The following XPO6 variants were observed in gnomAD, a reference collection of about 807,000 sequenced individuals.
XPO6 encodes the protein exportin-6.
In XPO6, 3 loss-of-function variants were observed where a neutral mutation model predicts 130.0. The ratio of observed to expected loss-of-function variants is 0.02; its 90% CI spans 0.01 to 0.06. The LOEUF is 0.06. XPO6 is among the 10% of genes least tolerant of loss of function. The probability of loss-of-function intolerance (pLI) is 1.00; values close to 1 mark genes in which losing one functional copy is unlikely to be tolerated. For synonymous variants in XPO6, 524 were observed against 548.9 expected, an observed-to-expected ratio of 0.95 and a Z score of 0.63; for missense variants, 970 against 1,393.0, an observed-to-expected ratio of 0.70 and a Z score of 4.83.
intron 1 of XPO6, among the ~76,000 whole-genome samples, chr16:28,200,104 A>G (rs2043932044): frequency 6.6e-6 from 1 of 151,894 alleles, no homozygotes; most frequent in African/African-American, 2.4e-5. Context: ...GCAGTGAGCC[A>G]AGATCACGCC....
chr16:28,141,199 T>C (rs1432110667), intron 9 of XPO6, among the ~76,000 whole-genome samples: 2 of 152,228 alleles, frequency 1.3e-5, no homozygotes, highest in Non-Finnish European at 2.9e-5. Flanking sequence ...TCCTATCTAA[T>C]GTCACCAGAA....
chr16:28,109,408 C>T (rs1268429311), intron 17 of XPO6, among the ~76,000 whole-genome samples: 4 of 151,808 alleles, frequency 2.6e-5, no homozygotes, highest in African/African-American at 9.7e-5. Flanking sequence ...ACCTCGCCCA[C>T]TTTCTCTACA....
Position 28,106,451 on chromosome 16 carries a change from G to A in XPO6, c.2544C>T (p.Gly848=). Residue 848 remains glycine, a synonymous_variant, in exon 19 of 24, where the codon GGC becomes GGT. Transcript: ENST00000304658. This position sits in a 1 kb window ranked among gnomAD's most constrained non-coding sequence, Gnocchi z 4.2. Reference sequence around the variant, plus strand: ...AAGGCACACCCATCTGTACTCTAAGGCCTCGAAACAGAGTGAGGAAGAAGC... The same window carrying A: ...AAGGCACACCCATCTGTACTCTAAGACCTCGAAACAGAGTGAGGAAGAAGC... ...MLSFFLTLFR[G]LRVQMGVPFT... 5.0e-6 allele frequency: 8 copies of A among 1,614,186 alleles called. No individual in the cohort carries two copies. Among genetic ancestry groups the A allele is most frequent in the South Asian group, 1.1e-5 (1 of 91,088 alleles).
At position 28,151,845 on chromosome 16, in the gene XPO6, T is replaced by C. The variant is rs544037352; in HGVS notation, c.1224+814A>G. Among the ~76,000 whole-genome samples the C allele has an allele frequency of 4.6e-5, 7 of 152,222 alleles. No homozygotes were observed. In the South Asian group the frequency reaches 1.2e-3, roughly 27 times the overall value. On this transcript the variant is annotated intron_variant, in intron 8 of 23. Transcript: ENST00000304658. ...GTGTTCAAAGTCAGCCTCGTCAACA[T>C]AGCAAGACCCAATGTCTACCAAAAA...
At chr16:28,194,375 A>G (rs2043827738) in intron 1 of XPO6, among the ~76,000 whole-genome samples, 1 of 152,184 alleles carries the variant, frequency 6.6e-6, no homozygotes, top group African/African-American at 2.4e-5. Context: ...AAGAATGAAA[A>G]CGTGTCCCAC....
At chr16:28,124,980 A>G (rs1437414331) in intron 13 of XPO6, among the ~76,000 whole-genome samples, 1 of 152,156 alleles carries the variant, frequency 6.6e-6, no homozygotes, top group Non-Finnish European at 1.5e-5. Flanking sequence ...CCTTGAAATG[A>G]TCTAAATGTC....
chr16:28,125,890 C>T lies in XPO6; in HGVS notation c.1607-42G>A, dbSNP rs761546173. On this transcript the variant is annotated intron_variant, in intron 12 of 23. Coordinates refer to ENST00000304658, the MANE Select transcript of XPO6 (RefSeq NM_015171.4). ...CAGACAGTTTTTCACAGGAAGACCA[C>T]GCTTTAGATACTACAGATAACAGCT... The T allele has an allele frequency of 8.2e-6, 13 of 1,594,496 alleles. No individual in the cohort carries two copies. In the East Asian group the frequency reaches 1.1e-4, roughly 14 times the overall value.
intron 9 of XPO6, among the ~76,000 whole-genome samples, chr16:28,143,370 C>G (rs1185851068): frequency 6.6e-6 from 1 of 152,240 alleles, no homozygotes; most frequent in African/African-American, 2.4e-5. Context: ...CATCTAGATG[C>G]TGTGCCAGGT....
At chr16:28,107,809 G>A (rs2086820263) in intron 17 of XPO6, 132 bp from the exon 18 acceptor site, 1 of 982,598 alleles carries the variant, frequency 1.0e-6, no homozygotes, top group East Asian at 2.4e-5. Context: ...TAAAGGAACA[G>A]TCTCTTGATT....
In XPO6 at chr16:28,101,368, G is replaced by C; in HGVS notation, c.3276+90C>G. On this transcript the variant is annotated intron_variant, in intron 23 of 23. Coordinates refer to ENST00000304658, the MANE Select transcript of XPO6 (RefSeq NM_015171.4). This position sits in a 1 kb window ranked among gnomAD's most constrained non-coding sequence, Gnocchi z 5.4. ...AGGGTGGGCACAGACCACGCCCAGAGGCCTCAATGTGCCCCCTCCTTGCTG... is the reference window on the plus strand; with the variant it reads ...AGGGTGGGCACAGACCACGCCCAGACGCCTCAATGTGCCCCCTCCTTGCTG... 8.6e-7 allele frequency: 1 copy of C among 1,163,556 alleles called. No individual in the cohort carries two copies. The highest frequency in any genetic ancestry group is 1.3e-5 in the South Asian group (1 of 79,216). The allele number at this position is 1,163,556 out of a possible 1,614,324, so 72.1% of individuals were successfully genotyped here. A position where few individuals can be genotyped will look rare whatever the true frequency, so the allele number is the denominator to read the frequency against.
intron 4 of XPO6, among the ~76,000 whole-genome samples, chr16:28,172,107 C>A (rs2043458775): frequency 6.6e-6 from 1 of 152,100 alleles, no homozygotes; most frequent in Non-Finnish European, 1.5e-5. Flanking sequence ...TTCCTCTCAC[C>A]ATTTAGGGGA....
chr16:28,180,203 A>C (rs2043593399), intron 2 of XPO6, among the ~76,000 whole-genome samples: 1 of 152,102 alleles, frequency 6.6e-6, no homozygotes. Flanking sequence ...GTCTCTACTA[A>C]AAATACAAAA....
chr16:28,114,199 CAAAA>C (rs71389524), intron 15 of XPO6, among the ~76,000 whole-genome samples: 6 of 97,748 alleles, frequency 6.1e-5, no homozygotes, highest in Admixed American at 2.1e-4. Flanking sequence ...TACATCCTCA[CAAAA>C]AAAAAAAAAA....
At chr16:28,149,043 C>CA (rs1243772137) in intron 8 of XPO6, among the ~76,000 whole-genome samples, 37 of 98,412 alleles carry the variant, frequency 3.8e-4, no homozygotes, top group Non-Finnish European at 6.8e-4. Flanking sequence ...ACTCTGTCTC[C>CA]AAAAAAAAAG....
At chr16:28,202,419 G>A (rs764814142) in intron 1 of XPO6, among the ~76,000 whole-genome samples, 2 of 152,156 alleles carry the variant, frequency 1.3e-5, no homozygotes, top group Non-Finnish European at 2.9e-5. Context: ...GAGGGACGCA[G>A]AACCTGGAAG....
At chr16:28,145,124 T>C (rs1695239712) in intron 9 of XPO6, among the ~76,000 whole-genome samples, 1 of 152,218 alleles carries the variant, frequency 6.6e-6, no homozygotes, top group Admixed American at 6.5e-5. Context: ...AGCATAAATA[T>C]ACAAATTACA....
chr16:28,206,150 A>G (rs937293845), intron 1 of XPO6, among the ~76,000 whole-genome samples: 2 of 151,356 alleles, frequency 1.3e-5, no homozygotes, highest in Admixed American at 6.6e-5. Context: ...ACACACACAC[A>G]CACACACACA....
intron 15 of XPO6, chr16:28,117,052 T>C (rs2141257206): frequency 5.1e-6 from 2 of 394,496 alleles, no homozygotes; most frequent in East Asian, 8.5e-5. Context: ...TATCACAACT[T>C]TTTAGTCTGG....
chr16:28,189,039 G>A (rs1426661109), intron 1 of XPO6, among the ~76,000 whole-genome samples: 2 of 151,916 alleles, frequency 1.3e-5, no homozygotes, highest in African/African-American at 2.4e-5. Context: ...TCTATCTCCC[G>A]GGCTCAAGCT....
Sources: gnomAD v4.1 joint callset for allele counts (sites outside exome capture counted in the v4.1 genomes callset) on GRCh38, gnomAD v4.1.1 for gene constraint, Gnocchi (gnomAD v3.1) non-coding constraint, MANE v1.5 for transcripts, NCBI Gene and HGNC (gene_info 2026-07-23, HGNC 2026-07-21) for gene names.